PRKCB: variants seen among roughly 807,000 people sequenced by gnomAD.
The protein encoded by PRKCB is protein kinase C beta type.
In PRKCB, 13 loss-of-function variants were observed where a neutral mutation model predicts 81.5. That is an observed-to-expected ratio of 0.16 (90% CI 0.10 to 0.25). PRKCB has a LOEUF of 0.25. PRKCB is among the 10% of genes least tolerant of loss of function. The pLI is 1.00. For synonymous variants in PRKCB, 335 were observed against 321.4 expected (o/e 1.04, Z -0.45); for missense variants, 509 against 875.7 (o/e 0.58, Z 5.29).
intron 9 of PRKCB, among the ~76,000 whole-genome samples, chr16:24,143,383 G>A (rs546916090): frequency 5.9e-5 from 9 of 152,002 alleles, no homozygotes; most frequent in Non-Finnish European, 1.3e-4. Context: ...TCCACCTGCC[G>A]TGGCCTCCAA....
At chr16:24,074,083 C>T (rs998440060) in intron 5 of PRKCB, among the ~76,000 whole-genome samples, 3 of 150,704 alleles carry the variant, frequency 2.0e-5, no homozygotes, top group African/African-American at 4.9e-5. Flanking sequence ...TGCAGTGAGC[C>T]GAGATCATGC....
chr16:24,036,687 A>G (rs1466012561), intron 5 of PRKCB, among the ~76,000 whole-genome samples: 2 of 152,144 alleles, frequency 1.3e-5, no homozygotes, highest in Non-Finnish European at 2.9e-5. Flanking sequence ...ATTTTAGAAA[A>G]TGTGCAATCC....
chr16:23,851,837 G>T (rs578056287), intron 2 of PRKCB, among the ~76,000 whole-genome samples: 182 of 150,154 alleles, frequency 1.2e-3, no homozygotes, highest in African/African-American at 4.4e-3. Context: ...TTTTTTTTTT[G>T]CTGCTATTGT....
intron 3 of PRKCB, among the ~76,000 whole-genome samples, chr16:24,009,035 T>C (rs1965165513): frequency 6.6e-6 from 1 of 152,152 alleles, no homozygotes; most frequent in Non-Finnish European, 1.5e-5. Flanking sequence ...ACTTCCTTCT[T>C]TTTGGGGGGC....
At chr16:24,042,462 A>T (rs1965712318) in intron 5 of PRKCB, among the ~76,000 whole-genome samples, 1 of 152,162 alleles carries the variant, frequency 6.6e-6, no homozygotes, top group Non-Finnish European at 1.5e-5. Context: ...TTTATTTTGA[A>T]CTAAGTTGAA....
chr16:24,166,952 G>A (rs1407947349), intron 10 of PRKCB, among the ~76,000 whole-genome samples: 10 of 152,114 alleles, frequency 6.6e-5, no homozygotes, highest in African/African-American at 9.6e-5. Context: ...TGGGGATTCC[G>A]ACTAATGAGT....
intron 2 of PRKCB, among the ~76,000 whole-genome samples, chr16:23,944,752 A>G (rs1964183564): frequency 6.6e-6 from 1 of 152,098 alleles, no homozygotes; most frequent in South Asian, 2.1e-4. Flanking sequence ...TTCCTCCATC[A>G]CCTGCTCATA....
chr16:23,975,773 C>T (rs570918989), intron 2 of PRKCB, among the ~76,000 whole-genome samples: 9 of 152,248 alleles, frequency 5.9e-5, no homozygotes, highest in East Asian at 1.9e-4. Context: ...TAGGAACGTA[C>T]GAAGCACAAG....
intron 16 of PRKCB, among the ~76,000 whole-genome samples, chr16:24,196,984 C>T (rs1967889520): frequency 6.6e-6 from 1 of 152,148 alleles, no homozygotes; most frequent in South Asian, 2.1e-4. Flanking sequence ...GACTCTGTCG[C>T]TGAGTGCATG....
At chr16:23,916,260 T>A (rs1441194636) in intron 2 of PRKCB, among the ~76,000 whole-genome samples, 5 of 147,446 alleles carry the variant, frequency 3.4e-5, no homozygotes, top group African/African-American at 1.3e-4. Flanking sequence ...GGTCTTACTA[T>A]GTAGCCCAGG....
intron 3 of PRKCB, among the ~76,000 whole-genome samples, chr16:24,031,495 C>T (rs1211775015): frequency 6.6e-6 from 1 of 152,148 alleles, no homozygotes; most frequent in Non-Finnish European, 1.5e-5. Flanking sequence ...AGCACCATGG[C>T]GGCACCTGCA....
At chr16:24,141,282 C>T (rs577401376) in intron 9 of PRKCB, among the ~76,000 whole-genome samples, 1 of 151,838 alleles carries the variant, frequency 6.6e-6, no homozygotes, top group African/African-American at 2.4e-5. Context: ...GCAACGTCCA[C>T]CTCCCAGGTT....
At chr16:24,051,040 G>A (rs2141870069) in intron 5 of PRKCB, among the ~76,000 whole-genome samples, 1 of 151,992 alleles carries the variant, frequency 6.6e-6, no homozygotes, top group East Asian at 1.9e-4. Context: ...GGGTCTTCCT[G>A]TTCTTGTGCC....
chr16:24,021,028 C>CTTTCTTTCTTTCTTTCTTTCTTTCTT (rs1567346706), intron 3 of PRKCB, among the ~76,000 whole-genome samples: 2 of 140,328 alleles, frequency 1.4e-5, no homozygotes, highest in South Asian at 4.7e-4. Flanking sequence ...TTCTTTCTTT[C>CTTTCTTTCTTTCTTTCTTTCTTTCTT]TTTCTTTCTT....
intron 2 of PRKCB, among the ~76,000 whole-genome samples, chr16:23,929,422 G>A (rs1325531429): frequency 6.6e-6 from 1 of 152,046 alleles, no homozygotes; most frequent in Non-Finnish European, 1.5e-5. Context: ...TGTGGTCTTA[G>A]GCAGATTATT....
chr16:24,116,442 G>A (rs753210938), intron 8 of PRKCB, among the ~76,000 whole-genome samples: 24 of 151,978 alleles, frequency 1.6e-4, no homozygotes, highest in Admixed American at 4.6e-4. Flanking sequence ...TAGCACTTAC[G>A]TATTCCCAAA....
chr16:24,008,077 T>A (rs1965152541), intron 3 of PRKCB, among the ~76,000 whole-genome samples: 1 of 152,204 alleles, frequency 6.6e-6, no homozygotes, highest in South Asian at 2.1e-4. Flanking sequence ...ATAATAATTC[T>A]TCATTCTTCA....
chr16:24,085,306 C>T (rs1016399928), intron 5 of PRKCB, among the ~76,000 whole-genome samples: 2 of 152,090 alleles, frequency 1.3e-5, no homozygotes, highest in African/African-American at 4.8e-5. Context: ...TTTGACTTCA[C>T]GTCGTCTATT....
intron 1 of PRKCB, chr16:23,837,074 G>C: frequency 8.5e-6 from 4 of 469,342 alleles, no homozygotes; most frequent in Non-Finnish European, 1.5e-5. Context: ...AGGGTGCTCG[G>C]GGCATCTATG....
Sources: allele counts gnomAD v4.1 joint callset (sites outside exome capture counted in the v4.1 genomes callset), GRCh38; gene constraint gnomAD v4.1.1; transcripts MANE v1.5; gene names NCBI Gene and HGNC (gene_info 2026-07-23, HGNC 2026-07-21).